Variants in TRPM3 observed in about 807,000 individuals in gnomAD.
TRPM3 encodes transient receptor potential cation channel subfamily M member 3, also known as long transient receptor potential channel 3.
TRPM3 carries 77 observed loss-of-function variants against 181.2 expected under a neutral mutation model. The observed-to-expected ratio is 0.42, with a 90% confidence interval of 0.35 to 0.51. The LOEUF is 0.51. Among genes scored for constraint, TRPM3 ranks in the 20% least tolerant of loss-of-function variants. The pLI is 0.01. For synonymous variants in TRPM3, 745 were observed against 796.4 expected (o/e 0.94, Z 1.09); for missense variants, 1,759 against 2,196.7 (o/e 0.80, Z 3.98).
intron 8 of TRPM3, among the ~76,000 whole-genome samples, chr9:70,756,914 G>T (rs778746234): frequency 8.6e-5 from 13 of 151,844 alleles, no homozygotes; most frequent in Admixed American, 8.5e-4. Context: ...CCCTAACATC[G>T]CAATTAAAAG....
intron 1 of TRPM3, among the ~76,000 whole-genome samples, chr9:71,333,238 T>C (rs2090336993): frequency 6.6e-6 from 1 of 151,970 alleles, no homozygotes; most frequent in South Asian, 2.1e-4. Context: ...ATGACCCACT[T>C]CTAGGGAACT....
chr9:70,582,361 CTTGA>C (rs1242159216), intron 22 of TRPM3, among the ~76,000 whole-genome samples: 3 of 152,060 alleles, frequency 2.0e-5, no homozygotes, highest in Admixed American at 1.3e-4. Context: ...TTTTTGTTTG[CTTGA>C]TTGATTGTTT....
chr9:70,555,891 T>C (rs772057983), intron 22 of TRPM3, among the ~76,000 whole-genome samples: 1 of 152,230 alleles, frequency 6.6e-6, no homozygotes, highest in Non-Finnish European at 1.5e-5. Context: ...TGGGGTTAAG[T>C]TAGAGAACTT....
At chr9:70,804,424 A>C (rs1159534481) in intron 6 of TRPM3, among the ~76,000 whole-genome samples, 1 of 152,158 alleles carries the variant, frequency 6.6e-6, no homozygotes, top group African/African-American at 2.4e-5. Flanking sequence ...TTTTGAACAC[A>C]TCCCTTGTGT....
chr9:71,208,128 C>T (rs1374942839), intron 1 of TRPM3, among the ~76,000 whole-genome samples: 8 of 152,156 alleles, frequency 5.3e-5, no homozygotes, highest in African/African-American at 1.2e-4. Context: ...AGAAGATTAA[C>T]GTTGTGCAGG....
chr9:70,961,704 T>C (rs1217399110), intron 1 of TRPM3, among the ~76,000 whole-genome samples: 1 of 152,182 alleles, frequency 6.6e-6, no homozygotes, highest in Admixed American at 6.5e-5. Context: ...AAATTTTAAC[T>C]TCTCTGGGGA....
chr9:71,260,770 G>T (rs912318869), intron 1 of TRPM3, among the ~76,000 whole-genome samples: 1 of 152,110 alleles, frequency 6.6e-6, no homozygotes, highest in African/African-American at 2.4e-5. Flanking sequence ...TCAACTTAAG[G>T]CGTTTTGGGG....
At chr9:71,375,370 A>G (rs1251647329) in intron 1 of TRPM3, among the ~76,000 whole-genome samples, 1 of 152,234 alleles carries the variant, frequency 6.6e-6, no homozygotes, top group African/African-American at 2.4e-5. Context: ...TATAAGAATT[A>G]ACTAAAGATG....
intron 1 of TRPM3, among the ~76,000 whole-genome samples, chr9:70,932,275 G>C (rs1443121915): frequency 6.6e-6 from 1 of 152,018 alleles, no homozygotes; most frequent in African/African-American, 2.4e-5. Context: ...TAAGAGAGTG[G>C]GGAAGAGGGC....
intron 18 of TRPM3, among the ~76,000 whole-genome samples, chr9:70,615,355 C>T (rs1039737251): frequency 6.6e-6 from 1 of 152,196 alleles, no homozygotes; most frequent in Non-Finnish European, 1.5e-5. Flanking sequence ...GAAGCTGTCC[C>T]ATGTCCAGCT....
chr9:71,312,292 C>A (rs888071348), intron 1 of TRPM3, among the ~76,000 whole-genome samples: 1 of 151,944 alleles, frequency 6.6e-6, no homozygotes, highest in Non-Finnish European at 1.5e-5. Context: ...GACAAACAAG[C>A]GTAAAGATGC....
intron 1 of TRPM3, among the ~76,000 whole-genome samples, chr9:70,887,800 A>T (rs754772193): frequency 6.6e-6 from 1 of 152,216 alleles, no homozygotes; most frequent in Non-Finnish European, 1.5e-5. Context: ...ACATAAATAC[A>T]CACTCTCATA....
intron 1 of TRPM3, among the ~76,000 whole-genome samples, chr9:70,921,918 T>TATACAC (rs1554770450): frequency 7.1e-6 from 1 of 140,134 alleles, no homozygotes; most frequent in East Asian, 2.1e-4. Flanking sequence ...GCAGCCACTA[T>TATACAC]ACACACACAC....
At position 70,578,833 on chromosome 9, in the gene TRPM3, G is replaced by C. The variant is rs142767837; in HGVS notation, c.3223+12198C>G. ...CTCAATCTCAGCACATTGACATTTT[G>C]GGTGGGATAATTCTTTGTCTGGAGA... On this transcript the variant is annotated intron_variant, in intron 22 of 25. Coordinates refer to ENST00000677713, the MANE Select transcript of TRPM3 (RefSeq NM_001366145.2). Among the ~76,000 whole-genome samples the C allele has an allele frequency of 6.5e-3, 995 of 152,336 alleles. 7 individuals are homozygous for C. The highest frequency in any genetic ancestry group is 0.022 in the African/African-American group (927 of 41,566).
intron 10 of TRPM3, among the ~76,000 whole-genome samples, chr9:70,640,326 G>C (rs2057861911): frequency 2.0e-5 from 3 of 152,202 alleles, no homozygotes; most frequent in African/African-American, 7.2e-5. Context: ...TGCTATTAAA[G>C]ACAACTCATA....
At chr9:71,257,650 G>A (rs904196609) in intron 1 of TRPM3, among the ~76,000 whole-genome samples, 17 of 152,174 alleles carry the variant, frequency 1.1e-4, no homozygotes, top group Admixed American at 8.5e-4. Context: ...TTTATACTAC[G>A]AGAAATTGTG....
intron 1 of TRPM3, among the ~76,000 whole-genome samples, chr9:71,337,884 A>G (rs1420871458): frequency 1.3e-5 from 2 of 152,182 alleles, no homozygotes; most frequent in Admixed American, 1.3e-4. Context: ...TTGAACAATG[A>G]GAACACTTGG....
At chr9:71,254,643 A>G (rs1484779163) in intron 1 of TRPM3, among the ~76,000 whole-genome samples, 1 of 152,196 alleles carries the variant, frequency 6.6e-6, no homozygotes, top group Non-Finnish European at 1.5e-5. Context: ...TAAAAAAGAA[A>G]TCACTTCAGT....
At chr9:70,547,886 T>G (rs2045444729) in intron 25 of TRPM3, among the ~76,000 whole-genome samples, 1 of 152,200 alleles carries the variant, frequency 6.6e-6, no homozygotes, top group Non-Finnish European at 1.5e-5. Context: ...CTCAAGTGGA[T>G]GTACTATAGT....
Sources: gnomAD v4.1 joint callset for allele counts (sites outside exome capture counted in the v4.1 genomes callset) on GRCh38, gnomAD v4.1.1 for gene constraint, MANE v1.5 for transcripts, NCBI Gene and HGNC (gene_info 2026-07-23, HGNC 2026-07-21) for gene names.